The following ST7 variants were observed in gnomAD, a reference collection of about 807,000 sequenced individuals.
ST7 encodes the protein suppressor of tumorigenicity 7 protein.
In ST7, 28 loss-of-function variants were observed where a neutral mutation model predicts 78.7. That is an observed-to-expected ratio of 0.36 (90% CI 0.26 to 0.49). The LOEUF is 0.49. ST7 is among the 20% of genes least tolerant of loss of function. ST7 has a pLI of 0.99. For missense variants in ST7, 418 were observed against 696.0 expected, an observed-to-expected ratio of 0.60 and a Z score of 4.49; for synonymous variants, 247 against 249.6, an observed-to-expected ratio of 0.99 and a Z score of 0.10.
In ST7 at chr7:117,190,542, C is replaced by T. The variant is rs1053530814; in HGVS notation, c.1152-292C>T. ...TCTGCCCTTGTCAGTCCTACCTCTTCCCCTGACCTGAGCAGGTACCTCGTA... is the reference window on the plus strand; with the variant it reads ...TCTGCCCTTGTCAGTCCTACCTCTTTCCCTGACCTGAGCAGGTACCTCGTA... On this transcript the variant is annotated intron_variant, in intron 11 of 15. Transcript: ENST00000323984. The surrounding 1 kb of genome is among the most constrained non-coding windows in gnomAD (Gnocchi z 5.2). Among the ~76,000 whole-genome samples, 1 of 152,236 alleles carries T rather than the reference C, an allele frequency of 6.6e-6. No homozygotes were observed. The highest frequency in any genetic ancestry group is 1.5e-5 in the Non-Finnish European group (1 of 68,034).
In ST7 at chr7:117,190,370, C is replaced by T. The variant is rs1332782985; in HGVS notation, c.1152-464C>T. Reference sequence around the variant, plus strand: ...CACCCTCTGCCGGAATGGCCCCAAGCAGGCTCGCCTGCTGCTGAAGCTGCA... The same window carrying T: ...CACCCTCTGCCGGAATGGCCCCAAGTAGGCTCGCCTGCTGCTGAAGCTGCA... On this transcript the variant is annotated intron_variant, in intron 11 of 15. Transcript: ENST00000323984. This position sits in a 1 kb window ranked among gnomAD's most constrained non-coding sequence, Gnocchi z 5.2. 1 of 170,120 alleles carries T rather than the reference C, an allele frequency of 5.9e-6. No individual in the cohort carries two copies. The highest frequency in any genetic ancestry group is 2.4e-5 in the African/African-American group (1 of 41,578). The allele number at this position is 170,120 out of a possible 1,614,324, so 10.5% of individuals were successfully genotyped here. A position where few individuals can be genotyped will look rare whatever the true frequency, so the allele number is the denominator to read the frequency against.
rs568273402 is a variant in ST7 at position 116,997,755 on chromosome 7, T to C, written c.151+44064T>C. On this transcript the variant is annotated intron_variant, in intron 1 of 15. Transcript: ENST00000323984. ...TGCTGATTGGTGTATTTACAGGCCCTTAGCTAGACATAAAGGTGCTCCAAG... is the reference window on the plus strand; with the variant it reads ...TGCTGATTGGTGTATTTACAGGCCCCTAGCTAGACATAAAGGTGCTCCAAG... 5.9e-5 allele frequency among the ~76,000 whole-genome samples: 9 copies of C among 152,320 alleles called. No homozygotes were observed. In the East Asian group the frequency reaches 1.7e-3, roughly 29 times the overall value.
chr7:117,055,750 A>G (rs1242914566), intron 1 of ST7, among the ~76,000 whole-genome samples: 1 of 152,138 alleles, frequency 6.6e-6, no homozygotes, highest in Non-Finnish European at 1.5e-5. Context: ...GCTTCTTTTT[A>G]TTGAAACTGG....
Position 117,139,572 on chromosome 7 carries a change from C to T in ST7, c.963+1040C>T, listed in dbSNP as rs112601235. Among the ~76,000 whole-genome samples, 1,204 of 152,194 alleles carry T rather than the reference C, an allele frequency of 7.9e-3. 14 individuals are homozygous for T. Among genetic ancestry groups the T allele is most frequent in the African/African-American group, 0.028 (1,155 of 41,486 alleles). On this transcript the variant is annotated intron_variant, in intron 9 of 15. Transcript: ENST00000323984. ...CCCTGGTTATTTCTGCAAGTTACAG[C>T]ATGATGTGAGAAGGCCCAAGTGAGA... is the stretch of plus-strand genomic sequence containing the variant.
At chr7:116,984,137 G>GTA (rs1184587289) in intron 1 of ST7, among the ~76,000 whole-genome samples, 1 of 151,690 alleles carries the variant, frequency 6.6e-6, no homozygotes, top group African/African-American at 2.4e-5. Context: ...GTGTGTGTGT[G>GTA]TGTGTGTCTA....
chr7:117,049,901 G>A (rs979554120), intron 1 of ST7, among the ~76,000 whole-genome samples: 1 of 152,054 alleles, frequency 6.6e-6, no homozygotes, highest in Non-Finnish European at 1.5e-5. Context: ...TGTACTAAAC[G>A]TGATGAAAAA....
chr7:117,159,408 C>G (rs1022221659), intron 9 of ST7, among the ~76,000 whole-genome samples: 5 of 152,144 alleles, frequency 3.3e-5, no homozygotes, highest in Non-Finnish European at 7.3e-5. Flanking sequence ...CGTTTTCACT[C>G]TATTTGAGCT....
At position 117,219,002 on chromosome 7, in the gene ST7, A is replaced by G; in HGVS notation, c.1406-82A>G. ...TTGTAGAAGTGTTCCCTGTTATAAA[A>G]ATGCTCAAACGCCCCTTTTTGCAGT... On this transcript the variant is annotated intron_variant, in intron 13 of 15. Transcript: ENST00000323984. The surrounding 1 kb of genome is among the most constrained non-coding windows in gnomAD (Gnocchi z 5.1). The G allele has an allele frequency of 9.2e-7, 1 of 1,091,724 alleles. No homozygotes were observed. Among genetic ancestry groups the G allele is most frequent in the Non-Finnish European group, 1.4e-6 (1 of 732,978 alleles). 67.6% of individuals were successfully genotyped at this position (1,091,724 alleles called of 1,614,324 possible).
intron 1 of ST7, among the ~76,000 whole-genome samples, chr7:116,993,119 CTG>C (rs978264750): frequency 6.0e-4 from 91 of 152,326 alleles, no homozygotes; most frequent in African/African-American, 1.9e-3. Flanking sequence ...GCCTTCCAAA[CTG>C]TTTCAGCCTC....
chr7:117,012,189 T>A (rs6956204), intron 1 of ST7, among the ~76,000 whole-genome samples: 151,247 of 152,342 alleles, frequency 0.99, 75,090 homozygotes, highest in East Asian at 1. Context: ...TTGGAATTGA[T>A]CATAGAATAT....
intron 1 of ST7, among the ~76,000 whole-genome samples, chr7:116,969,757 G>C (rs1267457326): frequency 2.0e-5 from 3 of 152,160 alleles, no homozygotes; most frequent in Admixed American, 2.0e-4. Flanking sequence ...GGCAGTCAGA[G>C]GAGTAGGAAC....
intron 1 of ST7, among the ~76,000 whole-genome samples, chr7:117,021,738 C>T (rs969560662): frequency 6.6e-6 from 1 of 152,214 alleles, no homozygotes; most frequent in South Asian, 2.1e-4. Context: ...AGCTTCTCAT[C>T]TCAGACTACC....
intron 1 of ST7, among the ~76,000 whole-genome samples, chr7:117,077,725 G>T (rs1160363075): frequency 6.6e-6 from 1 of 151,932 alleles, no homozygotes; most frequent in Non-Finnish European, 1.5e-5. Flanking sequence ...GGCTGCATGT[G>T]GATTTGCCTC....
intron 1 of ST7, among the ~76,000 whole-genome samples, chr7:117,052,323 G>A (rs1475610299): frequency 6.6e-6 from 1 of 152,014 alleles, no homozygotes; most frequent in African/African-American, 2.4e-5. Flanking sequence ...CTATTTATGG[G>A]GAACTAAACA....
intron 1 of ST7, among the ~76,000 whole-genome samples, chr7:117,006,996 C>T (rs937655558): frequency 9.9e-5 from 15 of 152,154 alleles, no homozygotes; most frequent in African/African-American, 3.4e-4. Flanking sequence ...CCCTCTCTTT[C>T]GACCTTCCTA....
At chr7:116,986,692 G>A (rs1794207374) in intron 1 of ST7, among the ~76,000 whole-genome samples, 1 of 152,194 alleles carries the variant, frequency 6.6e-6, no homozygotes, top group African/African-American at 2.4e-5. Flanking sequence ...ACTAGTTTTG[G>A]ATGTCAGTGG....
In ST7 at chr7:117,097,908, A is replaced by ATATATATATATT; in HGVS notation, c.152-1853_152-1852insATATATATATTT. 2.7e-4 allele frequency among the ~76,000 whole-genome samples: 8 copies of ATATATATATATT among 30,008 alleles called. 1 individual carries two copies. In the East Asian group the frequency reaches 5.1e-3, roughly 19 times the overall value. 19.7% of individuals were successfully genotyped at this position (30,008 alleles called of 152,430 possible). A position where few individuals can be genotyped will look rare whatever the true frequency, so the allele number is the denominator to read the frequency against. On this transcript the variant is annotated intron_variant, in intron 1 of 15. Coordinates refer to ENST00000323984, the MANE Select transcript of ST7 (RefSeq NM_001369598.1). ...TATATATATATATATATATATATAT[A>ATATATATATATT]TTTTTTTTTTTTTTTTTTTTGATGG...
At chr7:117,091,062 C>T (rs779879147) in intron 1 of ST7, among the ~76,000 whole-genome samples, 3 of 152,194 alleles carry the variant, frequency 2.0e-5, no homozygotes, top group Non-Finnish European at 4.4e-5. Context: ...AACAGTGTAC[C>T]TGTAAAGTTG....
chr7:117,192,420 A>G (rs779458986), intron 12 of ST7, among the ~76,000 whole-genome samples: 37 of 152,208 alleles, frequency 2.4e-4, no homozygotes, highest in Non-Finnish European at 4.7e-4. Flanking sequence ...TCTAAGCTCA[A>G]AGTTGTCCCT....
Sources: allele counts gnomAD v4.1 joint callset (sites outside exome capture counted in the v4.1 genomes callset), GRCh38; gene constraint gnomAD v4.1.1; non-coding constraint Gnocchi (gnomAD v3.1); transcripts MANE v1.5; gene names NCBI Gene and HGNC (gene_info 2026-07-23, HGNC 2026-07-21).